The following KRAS variants were observed in gnomAD, a reference collection of about 807,000 sequenced individuals.
KRAS encodes GTPase KRas.
KRAS carries 1 observed loss-of-function variant against 21.0 expected under a neutral mutation model. That is an observed-to-expected ratio of 0.05 (90% CI 0.02 to 0.23). The LOEUF (loss-of-function observed/expected upper bound fraction) is 0.23, where lower values mean the gene tolerates loss of function less well. Among genes scored for constraint, KRAS ranks in the 10% least tolerant of loss-of-function variants. KRAS has a pLI of 1.00. For missense variants in KRAS, 107 were observed against 221.8 expected (o/e 0.48, Z 3.29); for synonymous variants, 67 against 72.5 (o/e 0.92, Z 0.39).
chr12:25,221,138 G>A (rs1951319105), intron 4 of KRAS, among the ~76,000 whole-genome samples: 2 of 150,088 alleles, frequency 1.3e-5, no homozygotes, highest in South Asian at 4.2e-4. Context: ...AAATACAAAA[G>A]TTTAACCTAA....
At chr12:25,235,330 CTTTCCG>C (rs1028230231) in intron 2 of KRAS, 4 of 427,298 alleles carry the variant, frequency 9.4e-6, no homozygotes, top group Non-Finnish European at 4.3e-6. Context: ...GTGTTCCGCA[CTTTCCG>C]TTTATAAGCC....
At chr12:25,244,576 TATC>T (rs1951652462) in intron 2 of KRAS, among the ~76,000 whole-genome samples, 1 of 152,154 alleles carries the variant, frequency 6.6e-6, no homozygotes, top group South Asian at 2.1e-4. Flanking sequence ...GGTCTTTACT[TATC>T]ATTCTGCTGC....
At position 25,205,887 on chromosome 12, in the gene KRAS, T is replaced by C; in HGVS notation, c.*3908A>G. 4.6e-6 allele frequency: 1 copy of C among 217,808 alleles called. No homozygotes were observed. The allele number at this position is 217,808 out of a possible 1,614,324, so 13.5% of individuals were successfully genotyped here. On this transcript the variant is annotated 3_prime_UTR_variant, in exon 5 of 5. Coordinates refer to ENST00000311936, the MANE Select transcript of KRAS (RefSeq NM_004985.5). ...AAAGAAAGTTTCATTTTATGACAGCTATTCAGTTTCTCAATGCAGAATTCA... is the reference window on the plus strand; with the variant it reads ...AAAGAAAGTTTCATTTTATGACAGCCATTCAGTTTCTCAATGCAGAATTCA...
At chr12:25,215,979 G>A (rs1188837000) in intron 4 of KRAS, among the ~76,000 whole-genome samples, 1 of 152,080 alleles carries the variant, frequency 6.6e-6, no homozygotes, top group Non-Finnish European at 1.5e-5. Flanking sequence ...CCCTCCTCCA[G>A]GGGAGAATGA....
In KRAS at chr12:25,205,341, TC is replaced by T; in HGVS notation, c.*4453del. 4.7e-6 allele frequency: 1 copy of T among 214,186 alleles called. No homozygotes were observed. The highest frequency in any genetic ancestry group is 9.4e-6 in the Non-Finnish European group (1 of 105,834). 13.3% of individuals were successfully genotyped at this position (214,186 alleles called of 1,614,324 possible). A position where few individuals can be genotyped will look rare whatever the true frequency, so the allele number is the denominator to read the frequency against. On this transcript the variant is annotated 3_prime_UTR_variant, in exon 5 of 5. Coordinates refer to ENST00000311936, the MANE Select transcript of KRAS (RefSeq NM_004985.5). ...TTTTAGATCACTTCACAGCACATACTCCTATAAACATTTAAAAGTTAATTTC... is the reference window on the plus strand; with the variant it reads ...TTTTAGATCACTTCACAGCACATACTCTATAAACATTTAAAAGTTAATTTC...
intron 2 of KRAS, among the ~76,000 whole-genome samples, chr12:25,239,718 G>A (rs574794321): frequency 1.3e-5 from 2 of 152,300 alleles, no homozygotes; most frequent in East Asian, 3.9e-4. Flanking sequence ...CAGTGACACT[G>A]CTGAGGCGGG....
intron 4 of KRAS, among the ~76,000 whole-genome samples, chr12:25,213,212 TA>T (rs1199568896): frequency 3.3e-5 from 5 of 152,224 alleles, no homozygotes; most frequent in Non-Finnish European, 5.9e-5. Context: ...AGTCACTGTA[TA>T]AAACATAATT....
chr12:25,235,361 T>C lies in KRAS; in HGVS notation c.112-7949A>G, dbSNP rs570235406. On this transcript the variant is annotated intron_variant, in intron 2 of 4. Coordinates refer to ENST00000311936, the MANE Select transcript of KRAS (RefSeq NM_004985.5). ...GTTTATAAGCCATCAAAGACGGTTG[T>C]AGACTGTCAGAATTATAATAGGGAA... 3.0e-5 allele frequency: 11 copies of C among 367,994 alleles called. No individual in the cohort carries two copies. In the South Asian group the frequency reaches 6.1e-4, roughly 21 times the overall value. The allele number at this position is 367,994 out of a possible 1,614,324, so 22.8% of individuals were successfully genotyped here. A position where few individuals can be genotyped will look rare whatever the true frequency, so the allele number is the denominator to read the frequency against.
chr12:25,250,848 G>A lies in KRAS; in HGVS notation c.-109C>T. 1 of 238,866 alleles carries A rather than the reference G, an allele frequency of 4.2e-6. No homozygotes were observed. Among genetic ancestry groups the A allele is most frequent in the Non-Finnish European group, 8.1e-6 (1 of 124,108 alleles). 14.8% of individuals were successfully genotyped at this position (238,866 alleles called of 1,614,324 possible). On this transcript the variant is annotated 5_prime_UTR_variant, in exon 1 of 5. Transcript: ENST00000311936. ...CCCAGTCCGAAATGGCGGGGGCCGG[G>A]AGTACTGGCCGAGCCGCCGCCACCT...
At chr12:25,212,163 A>C (rs1396473857) in intron 4 of KRAS, among the ~76,000 whole-genome samples, 1 of 152,220 alleles carries the variant, frequency 6.6e-6, no homozygotes, top group African/African-American at 2.4e-5. Flanking sequence ...TTAAAAGAGG[A>C]TCTAACTCCC....
intron 2 of KRAS, among the ~76,000 whole-genome samples, chr12:25,240,083 T>TA (rs1392639643): frequency 1.3e-5 from 2 of 152,094 alleles, no homozygotes; most frequent in African/African-American, 4.8e-5. Context: ...AGAAAAGTAG[T>TA]AAAAAATAGT....
At chr12:25,230,590 T>C (rs932215779) in intron 2 of KRAS, among the ~76,000 whole-genome samples, 1 of 152,232 alleles carries the variant, frequency 6.6e-6, no homozygotes, top group Non-Finnish European at 1.5e-5. Flanking sequence ...ATTGTGCCAT[T>C]GCACTCCAGC....
intron 2 of KRAS, chr12:25,235,294 G>A: frequency 4.1e-6 from 2 of 486,754 alleles, no homozygotes; most frequent in East Asian, 3.1e-5. Flanking sequence ...CTTCCGAAAG[G>A]TTATTTAAAT....
intron 2 of KRAS, among the ~76,000 whole-genome samples, chr12:25,240,675 G>A (rs1951599536): frequency 6.6e-6 from 1 of 152,114 alleles, no homozygotes; most frequent in South Asian, 2.1e-4. Context: ...GTTAAAACCA[G>A]AATCTTAGGA....
At chr12:25,211,175 A>G (rs1420359634) in intron 4 of KRAS, 1 of 152,212 alleles carries the variant, frequency 6.6e-6, no homozygotes, top group Non-Finnish European at 1.5e-5. Context: ...CTGGGTTTTT[A>G]CTCATTGTAA....
At chr12:25,221,530 T>C (rs1951325899) in intron 4 of KRAS, among the ~76,000 whole-genome samples, 1 of 152,090 alleles carries the variant, frequency 6.6e-6, no homozygotes, top group Non-Finnish European at 1.5e-5. Context: ...AGCCACAGCA[T>C]GCGGCCAGCC....
rs34380455 is a variant in KRAS, at chr12:25,217,115, G to C, written c.451-7204C>G. 8.0e-3 allele frequency among the ~76,000 whole-genome samples: 1,212 copies of C among 152,290 alleles called. 11 individuals are homozygous for C. The highest frequency in any genetic ancestry group is 0.065 in the Middle Eastern group (19 of 294). The stretch of plus-strand genomic sequence containing the variant: ...ACAAAGTGGACCTAGCACCTAAAAA[G>C]TTAATGTATCACCAGTACCATTTGC... On this transcript the variant is annotated intron_variant, in intron 4 of 4. Transcript: ENST00000311936.
chr12:25,215,894 G>A (rs553272850), intron 4 of KRAS, among the ~76,000 whole-genome samples: 2 of 152,258 alleles, frequency 1.3e-5, no homozygotes, highest in East Asian at 3.9e-4. Context: ...TGGAATTAAA[G>A]CCTAAACTGA....
At chr12:25,221,664 T>G (rs1592803771) in intron 4 of KRAS, among the ~76,000 whole-genome samples, 1 of 152,192 alleles carries the variant, frequency 6.6e-6, no homozygotes, top group Non-Finnish European at 1.5e-5. Context: ...CTTGGCCCTT[T>G]ACAGAAAATA....
Sources: allele counts gnomAD v4.1 joint callset (sites outside exome capture counted in the v4.1 genomes callset), GRCh38; gene constraint gnomAD v4.1.1; transcripts MANE v1.5; gene names NCBI Gene and HGNC (gene_info 2026-07-23, HGNC 2026-07-21).